NUP214: variants seen among roughly 807,000 people sequenced by gnomAD.
The protein encoded by NUP214 is nucleoporin 214, also known as nuclear pore complex protein Nup214.
In NUP214, 79 loss-of-function variants were observed where a neutral mutation model predicts 196.2. That is an observed-to-expected ratio of 0.40 (90% CI 0.34 to 0.49). NUP214 has a LOEUF of 0.49. Among genes scored for constraint, NUP214 ranks in the 20% least tolerant of loss-of-function variants. The pLI is 0.58. For missense variants in NUP214, 2,468 were observed against 2,539.0 expected, an observed-to-expected ratio of 0.97 and a Z score of 0.60; for synonymous variants, 1,020 against 990.5, an observed-to-expected ratio of 1.03 and a Z score of -0.56.
chr9:131,128,488 G>C lies in NUP214; in HGVS notation c.393+5G>C. The C allele has an allele frequency of 6.2e-7, 1 of 1,610,432 alleles. No homozygotes were observed. On this transcript the variant is annotated splice_donor_5th_base_variant and intron_variant, in intron 3 of 35. Transcript: ENST00000359428. ...GTTCGCACATTCTCAAATGAGGTAA[G>C]CTACTGTTATACTGTGATGTCAACA...
chr9:131,145,936 A>G (rs567675916), intron 12 of NUP214, among the ~76,000 whole-genome samples, 193 bp from the exon 13 acceptor site: 2 of 152,378 alleles, frequency 1.3e-5, no homozygotes, highest in Non-Finnish European at 2.9e-5. Flanking sequence ...AGACGAAAAG[A>G]TAAATGTTTC....
chr9:131,219,668 T>C (rs1276383048), intron 31 of NUP214, among the ~76,000 whole-genome samples: 3 of 152,244 alleles, frequency 2.0e-5, no homozygotes. Context: ...ACCTGTTGCC[T>C]CCTTTAGTAT....
chr9:131,145,355 A>C (rs1320736773), intron 12 of NUP214, among the ~76,000 whole-genome samples: 2 of 152,036 alleles, frequency 1.3e-5, no homozygotes. Context: ...AAGCTTTTGG[A>C]GGGAAGCAAT....
At chr9:131,184,057 G>T (rs2131017409) in intron 24 of NUP214, among the ~76,000 whole-genome samples, 1 of 106,428 alleles carries the variant, frequency 9.4e-6, no homozygotes. Context: ...TTGAGATGGA[G>T]TCTCGCTTTG....
chr9:131,165,903 T>C (rs1197313864), intron 21 of NUP214, among the ~76,000 whole-genome samples: 1 of 152,124 alleles, frequency 6.6e-6, no homozygotes, highest in Non-Finnish European at 1.5e-5. Flanking sequence ...TCTAGAGACA[T>C]CAAATTCATA....
At chr9:131,155,807 T>A (rs998436857) in intron 17 of NUP214, among the ~76,000 whole-genome samples, 1 of 152,226 alleles carries the variant, frequency 6.6e-6, no homozygotes, top group Non-Finnish European at 1.5e-5. Context: ...TGGCTTTATT[T>A]CTGGGTTCTC....
intron 22 of NUP214, 96 bp downstream of exon 22, chr9:131,174,414 G>T: frequency 8.4e-7 from 1 of 1,190,450 alleles, no homozygotes; most frequent in Non-Finnish European, 1.2e-6. Context: ...CACCAATATG[G>T]TGGTTGGCTC....
At position 131,215,375 on chromosome 9, in the gene NUP214, T is replaced by A. The variant is rs1564215070; in HGVS notation, c.5749+7T>A. On this transcript the variant is annotated splice_region_variant and intron_variant, in intron 31 of 35. Transcript: ENST00000359428. ...GGATCCACAGCTACCTCAAGTAAGTTGAGAAGACTTTTCCCAGTCCCTTGG... is the reference window on the plus strand; with the variant it reads ...GGATCCACAGCTACCTCAAGTAAGTAGAGAAGACTTTTCCCAGTCCCTTGG... 19 of 1,582,498 alleles carry A rather than the reference T, an allele frequency of 1.2e-5. No homozygotes were observed. Among genetic ancestry groups the A allele is most frequent in the Non-Finnish European group, 1.6e-5 (19 of 1,165,508 alleles).
intron 24 of NUP214, among the ~76,000 whole-genome samples, chr9:131,181,052 G>A (rs555981876): frequency 3.3e-5 from 5 of 152,124 alleles, no homozygotes; most frequent in Admixed American, 1.3e-4. Flanking sequence ...AAATTAAAGC[G>A]GGGGAAAGGT....
intron 31 of NUP214, among the ~76,000 whole-genome samples, chr9:131,216,567 C>G (rs1246716364): frequency 7.2e-6 from 1 of 138,362 alleles, no homozygotes; most frequent in Non-Finnish European, 1.5e-5. Context: ...GAGTGTTGCT[C>G]TGTCACCCAG....
intron 26 of NUP214, 24 bp from the exon 27 acceptor site, chr9:131,192,184 T>C: frequency 1.0e-6 from 1 of 984,492 alleles, no homozygotes; most frequent in Non-Finnish European, 1.4e-6. Flanking sequence ...TTTTTTTTTT[T>C]TTTTTTTTTT....
intron 26 of NUP214, among the ~76,000 whole-genome samples, chr9:131,189,621 G>A (rs567490054): frequency 5.3e-5 from 8 of 152,220 alleles, no homozygotes; most frequent in East Asian, 1.9e-4. Context: ...ATAATGAGTC[G>A]ATATTATGAG....
At chr9:131,200,615 A>G (rs900526078) in intron 29 of NUP214, among the ~76,000 whole-genome samples, 1 of 152,188 alleles carries the variant, frequency 6.6e-6, no homozygotes, top group African/African-American at 2.4e-5. Flanking sequence ...AGGCTGAGGC[A>G]GGAGAATCGC....
intron 32 of NUP214, among the ~76,000 whole-genome samples, chr9:131,227,511 G>C (rs375241731): frequency 5.5e-4 from 83 of 151,804 alleles, no homozygotes; most frequent in African/African-American, 1.9e-3. Flanking sequence ...TCCACTGAGC[G>C]AGAGAAAGGG....
chr9:131,150,496 G>C, intron 15 of NUP214, 86 bp downstream of exon 15: 1 of 1,571,336 alleles, frequency 6.4e-7, no homozygotes, highest in South Asian at 1.1e-5. Context: ...TGACTAGTTA[G>C]TTCATTCTAG....
rs544548959 is a variant in NUP214 at position 131,135,171 on chromosome 9, C to T, written c.938+167C>T. The T allele has an allele frequency of 9.2e-6, 5 of 542,152 alleles. No homozygotes were observed. In the East Asian group the frequency reaches 1.5e-4, roughly 16 times the overall value. The allele number at this position is 542,152 out of a possible 1,614,324, so 33.6% of individuals were successfully genotyped here. A position where few individuals can be genotyped will look rare whatever the true frequency, so the allele number is the denominator to read the frequency against. On this transcript the variant is annotated intron_variant, in intron 8 of 35. Coordinates refer to ENST00000359428, the MANE Select transcript of NUP214 (RefSeq NM_005085.4). The stretch of plus-strand genomic sequence containing the variant: ...GTGGCACGATTGTAGCTCACAGAAG[C>T]CTGGAACTCCCAGGCTCAAGTGATC...
At chr9:131,126,792 C>T (rs934092801) in intron 1 of NUP214, among the ~76,000 whole-genome samples, 1 of 152,046 alleles carries the variant, frequency 6.6e-6, no homozygotes, top group Non-Finnish European at 1.5e-5. Flanking sequence ...TAACGTGATC[C>T]GCCCTCCTCT....
At chr9:131,137,552 CTTTTTTTTTTTTTTTTTT>C (rs11338707) in intron 9 of NUP214, among the ~76,000 whole-genome samples, 1 of 88,714 alleles carries the variant, frequency 1.1e-5, no homozygotes, top group Admixed American at 1.3e-4. Flanking sequence ...CTGGTGGTAT[CTTTTTTTTTTTTTTTTTT>C]TTTTTGAGGC....
rs776765956 is a variant in NUP214, at chr9:131,184,026, CTTTT to C, written c.3420-3244_3420-3241del. On this transcript the variant is annotated intron_variant, in intron 24 of 35. Coordinates refer to ENST00000359428, the MANE Select transcript of NUP214 (RefSeq NM_005085.4). ...TCTTTTCTTTTTCTTTTTTCTTTTTCTTTTTTTTTTTTTTTTTTTTTTGAGATGG... is the reference window on the plus strand; with the variant it reads ...TCTTTTCTTTTTCTTTTTTCTTTTTCTTTTTTTTTTTTTTTTTTGAGATGG... Among the ~76,000 whole-genome samples the C allele has an allele frequency of 1.6e-3, 171 of 104,346 alleles. 1 individual carries two copies. Among genetic ancestry groups the C allele is most frequent in the African/African-American group, 6.1e-3 (166 of 27,402 alleles). The allele number at this position is 104,346 out of a possible 152,430, so 68.5% of individuals were successfully genotyped here. A position where few individuals can be genotyped will look rare whatever the true frequency, so the allele number is the denominator to read the frequency against.
Sources: allele counts gnomAD v4.1 joint callset (sites outside exome capture counted in the v4.1 genomes callset), GRCh38; gene constraint gnomAD v4.1.1; transcripts MANE v1.5; gene names NCBI Gene and HGNC (gene_info 2026-07-23, HGNC 2026-07-21).